The following AKAP19 variants were observed in gnomAD, a reference collection of about 807,000 sequenced individuals.
AKAP19 encodes the protein small A-kinase anchoring protein.
At chr2:189,937,202 T>C in the AKAP19 span, among the ~76,000 whole-genome samples, 2 of 152,016 alleles carry the variant, frequency 1.3e-5, no homozygotes, top group Non-Finnish European at 2.9e-5. Context: ...ATGATGGTTA[T>C]ATGGAGACAG....
the AKAP19 span, among the ~76,000 whole-genome samples, chr2:190,019,715 G>A: frequency 4.6e-5 from 7 of 152,018 alleles, no homozygotes; most frequent in African/African-American, 1.7e-4. Context: ...TTGACAACTG[G>A]ATATTTGCCT....
At chr2:190,028,537 T>C in the AKAP19 span, among the ~76,000 whole-genome samples, 1 of 152,300 alleles carries the variant, frequency 6.6e-6, no homozygotes, top group East Asian at 1.9e-4. Context: ...CTACCTTTTT[T>C]TTTAACTGAA....
At chr2:189,936,065 A>G in the AKAP19 span, among the ~76,000 whole-genome samples, 1 of 152,200 alleles carries the variant, frequency 6.6e-6, no homozygotes, top group African/African-American at 2.4e-5. Context: ...AGATTATAAA[A>G]TAATGGATAT....
At chr2:189,987,800 C>T in the AKAP19 span, among the ~76,000 whole-genome samples, 1 of 152,184 alleles carries the variant, frequency 6.6e-6, no homozygotes, top group African/African-American at 2.4e-5. Flanking sequence ...CTGTATTTCC[C>T]ATTCTTCCTT....
At chr2:190,109,023 G>T in the AKAP19 span, among the ~76,000 whole-genome samples, 3 of 152,086 alleles carry the variant, frequency 2.0e-5, no homozygotes, top group Non-Finnish European at 4.4e-5. Context: ...GGAAGAATCT[G>T]TATTAATAAG....
chr2:190,186,218 C>G, the AKAP19 span, among the ~76,000 whole-genome samples: 1 of 152,222 alleles, frequency 6.6e-6, no homozygotes, highest in African/African-American at 2.4e-5. This position sits in a 1 kb window ranked among gnomAD's most constrained non-coding sequence, Gnocchi z 5.5. Context: ...TCCCAAAGCA[C>G]TGGGATTACA....
the AKAP19 span, among the ~76,000 whole-genome samples, chr2:189,954,949 A>G: frequency 1.3e-5 from 2 of 152,316 alleles, no homozygotes; most frequent in East Asian, 3.9e-4. Context: ...TTTTAAAAAA[A>G]TATTTTTTAT....
At chr2:190,151,249 G>A in the AKAP19 span, among the ~76,000 whole-genome samples, 2 of 152,084 alleles carry the variant, frequency 1.3e-5, no homozygotes, top group South Asian at 2.1e-4. Flanking sequence ...TGTGCGGAAC[G>A]TGCAGATTTG....
chr2:189,904,587 A>T, the AKAP19 span, among the ~76,000 whole-genome samples: 1 of 152,040 alleles, frequency 6.6e-6, no homozygotes, highest in African/African-American at 2.4e-5. Flanking sequence ...TGAGGACAAA[A>T]ATCTGTTTTT....
chr2:190,039,522 C>G, the AKAP19 span, among the ~76,000 whole-genome samples: 6 of 151,912 alleles, frequency 3.9e-5, no homozygotes, highest in African/African-American at 1.5e-4. Flanking sequence ...AATGAAGTTT[C>G]TTTTTTTTAA....
At chr2:189,911,463 G>A in the AKAP19 span, among the ~76,000 whole-genome samples, 4 of 152,080 alleles carry the variant, frequency 2.6e-5, no homozygotes, top group African/African-American at 9.7e-5. Context: ...TAAGTGGTTT[G>A]TAGTAGCTAT....
At chr2:190,033,621 C>T in the AKAP19 span, among the ~76,000 whole-genome samples, 1 of 152,112 alleles carries the variant, frequency 6.6e-6, no homozygotes, top group Non-Finnish European at 1.5e-5. Context: ...TTCCTAGACT[C>T]GACAGTAACA....
chr2:190,119,465 G>C, the AKAP19 span, among the ~76,000 whole-genome samples: 7 of 152,274 alleles, frequency 4.6e-5, no homozygotes, highest in East Asian at 1.4e-3. Context: ...GCAAATGCAG[G>C]GCACTATGAG....
chr2:190,109,420 T>C, the AKAP19 span, among the ~76,000 whole-genome samples: 1 of 152,042 alleles, frequency 6.6e-6, no homozygotes, highest in East Asian at 1.9e-4. Context: ...CAGACCTCCA[T>C]GTTGCCCCCT....
the AKAP19 span, among the ~76,000 whole-genome samples, chr2:190,115,051 C>T: frequency 1.3e-5 from 2 of 150,016 alleles, no homozygotes; most frequent in African/African-American, 2.5e-5. Context: ...ATAATCTACT[C>T]CCTTGGTTAA....
At chr2:190,039,104 G>T in the AKAP19 span, among the ~76,000 whole-genome samples, 2 of 147,400 alleles carry the variant, frequency 1.4e-5, no homozygotes, top group Admixed American at 1.4e-4. Flanking sequence ...ACAGAGTCTT[G>T]CTCTGTCCCC....
At chr2:189,989,966 A>G in the AKAP19 span, among the ~76,000 whole-genome samples, 1 of 152,224 alleles carries the variant, frequency 6.6e-6, no homozygotes, top group Admixed American at 6.5e-5. Flanking sequence ...TGCAACCCCT[A>G]TTAAAATCCT....
chr2:190,024,344 GTGTGTGTATATCTATACACACATATATA>G, the AKAP19 span, among the ~76,000 whole-genome samples: 3 of 150,202 alleles, frequency 2.0e-5, no homozygotes, highest in Non-Finnish European at 4.4e-5. Flanking sequence ...ATATATATGT[GTGTGTGTATATCTATACACACATATATA>G]TGTGTGTGTA....
At chr2:190,098,205 A>G in the AKAP19 span, among the ~76,000 whole-genome samples, 1 of 152,214 alleles carries the variant, frequency 6.6e-6, no homozygotes, top group South Asian at 2.1e-4. Flanking sequence ...ATCACCGTCT[A>G]TGGCAACTAT....
Sources: gnomAD v4.1 joint callset for allele counts (sites outside exome capture counted in the v4.1 genomes callset) on GRCh38, gnomAD v4.1.1 for gene constraint, Gnocchi (gnomAD v3.1) non-coding constraint, MANE v1.5 for transcripts, NCBI Gene and HGNC (gene_info 2026-07-23, HGNC 2026-07-21) for gene names.